Variants in TMEM182 observed in about 807,000 individuals in gnomAD.
TMEM182 encodes transmembrane protein 182.
TMEM182 carries 20 observed loss-of-function variants against 26.8 expected under a neutral mutation model. The ratio of observed to expected loss-of-function variants is 0.75; its 90% CI spans 0.53 to 1.09. The LOEUF (loss-of-function observed/expected upper bound fraction) is 1.09. Among genes scored for constraint, TMEM182 ranks in the 50% least tolerant of loss-of-function variants. TMEM182 has a pLI of 0.00. For synonymous variants in TMEM182, 109 were observed against 102.2 expected, an observed-to-expected ratio of 1.07 and a Z score of -0.40; for missense variants, 277 against 275.5, an observed-to-expected ratio of 1.01 and a Z score of -0.04.
chr2:102,784,896 T>C (rs1681324905), intron 3 of TMEM182, among the ~76,000 whole-genome samples: 1 of 152,140 alleles, frequency 6.6e-6, no homozygotes. Context: ...CAACCTGTTT[T>C]ATCAGCAAGG....
In TMEM182 at chr2:102,816,873, C is replaced by T. The variant is rs1224362928; in HGVS notation, c.*1905C>T. On this transcript the variant is annotated 3_prime_UTR_variant, in exon 5 of 5. Transcript: ENST00000412401. ...CTGTATGCCATTTAAGTTTCACATA[C>T]AAGCTGCTTTCGGCAAAGGCTTGAA... is the stretch of plus-strand genomic sequence containing the variant. 2.3e-5 allele frequency: 23 copies of T among 985,684 alleles called. No individual in the cohort carries two copies. The highest frequency in any genetic ancestry group is 2.5e-5 in the Non-Finnish European group (21 of 829,920). The allele number at this position is 985,684 out of a possible 1,614,324, so 61.1% of individuals were successfully genotyped here.
rs71378190 is a variant in TMEM182, at chr2:102,800,797, TTGTGTGTGTGTG to T, written c.469+2831_469+2842del. Among the ~76,000 whole-genome samples, 344 of 137,872 alleles carry T rather than the reference TTGTGTGTGTGTG, an allele frequency of 2.5e-3. 5 individuals carry two copies. The highest frequency in any genetic ancestry group is 8.1e-3 in the African/African-American group (300 of 37,152). The allele number at this position is 137,872 out of a possible 152,430, so 90.4% of individuals were successfully genotyped here. On this transcript the variant is annotated intron_variant, in intron 4 of 4. Coordinates refer to ENST00000412401, the MANE Select transcript of TMEM182 (RefSeq NM_144632.5). Reference sequence around the variant, plus strand: ...GGTTTTCGTTCTGGTTTTGGACAGTTTGTGTGTGTGTGTGTGTGTGTGTGTGTGTGTGTGTGT... The same window carrying T: ...GGTTTTCGTTCTGGTTTTGGACAGTTTGTGTGTGTGTGTGTGTGTGTGTGT...
At chr2:102,824,473 G>C (rs913109499) in intron 3 of TMEM182, among the ~76,000 whole-genome samples, 15 of 152,100 alleles carry the variant, frequency 9.9e-5, no homozygotes, top group African/African-American at 3.6e-4. Flanking sequence ...AGATTTGGTT[G>C]TTTAAAAGTG....
intron 4 of TMEM182, among the ~76,000 whole-genome samples, chr2:102,800,366 C>T (rs1265327650): frequency 6.6e-6 from 1 of 152,180 alleles, no homozygotes; most frequent in African/African-American, 2.4e-5. Context: ...CTGAATATTT[C>T]CTATGAATGA....
intron 3 of TMEM182, among the ~76,000 whole-genome samples, chr2:102,781,539 G>A (rs1681166682): frequency 6.6e-6 from 1 of 152,150 alleles, no homozygotes; most frequent in African/African-American, 2.4e-5. Flanking sequence ...AGTGCAGAGA[G>A]AAGGGAGATC....
At chr2:102,808,108 A>G (rs961125085) in intron 4 of TMEM182, among the ~76,000 whole-genome samples, 3 of 152,178 alleles carry the variant, frequency 2.0e-5, no homozygotes, top group Non-Finnish European at 2.9e-5. Flanking sequence ...TCACACAGCC[A>G]GCTTCTTAAG....
intron 1 of TMEM182, among the ~76,000 whole-genome samples, chr2:102,756,963 C>T (rs1376754237): frequency 6.6e-6 from 1 of 152,088 alleles, no homozygotes; most frequent in Non-Finnish European, 1.5e-5. Context: ...CAGGCACCTG[C>T]TACCACGCCT....
chr2:102,764,316 C>G lies in TMEM182; in HGVS notation c.233-13C>G, dbSNP rs368526112. 9.3e-6 allele frequency: 15 copies of G among 1,612,914 alleles called. No individual in the cohort carries two copies. The African/African-American group carries it at 2.0e-4, about 22-fold the overall frequency. ...TTCAATAACAAGTGCCATTGTTTTG[C>G]TGTTCTTCCTAGCCAATCAGCCACC... On this transcript the variant is annotated splice_polypyrimidine_tract_variant and intron_variant, in intron 2 of 4. Coordinates refer to ENST00000412401, the MANE Select transcript of TMEM182 (RefSeq NM_144632.5).
intron 1 of TMEM182, among the ~76,000 whole-genome samples, chr2:102,743,076 G>A (rs1311741404): frequency 6.6e-6 from 1 of 152,106 alleles, no homozygotes; most frequent in African/African-American, 2.4e-5. Context: ...AAGTAATAAT[G>A]TAACAGTGTA....
At chr2:102,829,688 G>A (rs984760724) in intron 3 of TMEM182, among the ~76,000 whole-genome samples, 14 of 152,156 alleles carry the variant, frequency 9.2e-5, no homozygotes, top group South Asian at 2.1e-4. Flanking sequence ...GGAGTCCATC[G>A]GATAGCAGAG....
chr2:102,738,889 G>C (rs1413987533), intron 1 of TMEM182, among the ~76,000 whole-genome samples: 1 of 152,060 alleles, frequency 6.6e-6, no homozygotes, highest in Non-Finnish European at 1.5e-5. Flanking sequence ...TGTGGATAAA[G>C]GACTCCAAAA....
At chr2:102,804,366 G>A (rs532427590) in intron 4 of TMEM182, among the ~76,000 whole-genome samples, 3 of 151,612 alleles carry the variant, frequency 2.0e-5, no homozygotes, top group East Asian at 1.9e-4. Context: ...ATGCCTTTGC[G>A]TCCTCATAGC....
chr2:102,795,955 C>CT (rs1305540034), intron 3 of TMEM182, among the ~76,000 whole-genome samples: 1 of 152,232 alleles, frequency 6.6e-6, no homozygotes, highest in Non-Finnish European at 1.5e-5. Flanking sequence ...TGTGATTCCT[C>CT]TATCTAGAGG....
intron 3 of TMEM182, among the ~76,000 whole-genome samples, chr2:102,823,042 C>G (rs1682958169): frequency 6.6e-6 from 1 of 152,128 alleles, no homozygotes; most frequent in Non-Finnish European, 1.5e-5. Flanking sequence ...CCTCAAAGCA[C>G]AAAAATAAGA....
intron 3 of TMEM182, among the ~76,000 whole-genome samples, chr2:102,766,567 A>G (rs1185665879): frequency 2.0e-5 from 3 of 152,150 alleles, no homozygotes; most frequent in Non-Finnish European, 4.4e-5. Context: ...TCTTTGTTAA[A>G]TTTGGGGTTT....
chr2:102,842,444 T>G (rs1310187800), intron 3 of TMEM182, among the ~76,000 whole-genome samples: 1 of 152,170 alleles, frequency 6.6e-6, no homozygotes, highest in Non-Finnish European at 1.5e-5. Flanking sequence ...TTATCAGGAT[T>G]ACTAGTTCAG....
At chr2:102,756,120 T>C (rs542671925) in intron 1 of TMEM182, among the ~76,000 whole-genome samples, 1 of 152,310 alleles carries the variant, frequency 6.6e-6, no homozygotes, top group African/African-American at 2.4e-5. Context: ...GGAAGGATGA[T>C]GTGTGTGTAT....
At chr2:102,810,794 C>T (rs1682529363) in intron 4 of TMEM182, among the ~76,000 whole-genome samples, 2 of 151,798 alleles carry the variant, frequency 1.3e-5, no homozygotes, top group Admixed American at 1.3e-4. Context: ...AATGTATGAC[C>T]AAATTTAAAT....
intron 3 of TMEM182, among the ~76,000 whole-genome samples, chr2:102,786,000 G>A (rs1681372215): frequency 6.6e-6 from 1 of 151,262 alleles, no homozygotes; most frequent in South Asian, 2.1e-4. Flanking sequence ...TCCTATCATG[G>A]CTTAGTCTAA....
Sources: gnomAD v4.1 joint callset for allele counts (sites outside exome capture counted in the v4.1 genomes callset) on GRCh38, gnomAD v4.1.1 for gene constraint, MANE v1.5 for transcripts, NCBI Gene and HGNC (gene_info 2026-07-23, HGNC 2026-07-21) for gene names.